The following RBFOX1 variants were observed in gnomAD, a reference collection of about 807,000 sequenced individuals.
RBFOX1 encodes the protein RNA binding protein fox-1 homolog 1.
In RBFOX1, 8 loss-of-function variants were observed where a neutral mutation model predicts 57.7. That is an observed-to-expected ratio of 0.14 (90% CI 0.08 to 0.25). The LOEUF is 0.25. RBFOX1 is among the 10% of genes least tolerant of loss of function. The pLI is 1.00. For missense variants in RBFOX1, 611 were observed against 548.5 expected (o/e 1.11, Z -1.14); for synonymous variants, 326 against 222.4 (o/e 1.47, Z -4.15).
At chr16:7,087,249 A>C (rs566159518) in intron 4 of RBFOX1, among the ~76,000 whole-genome samples, 8 of 152,262 alleles carry the variant, frequency 5.3e-5, no homozygotes, top group Non-Finnish European at 1.5e-5. Context: ...GGCCTCCCAG[A>C]GTCACCGGCT....
At chr16:7,021,413 G>GT (rs951874303) in intron 3 of RBFOX1, among the ~76,000 whole-genome samples, 6 of 142,524 alleles carry the variant, frequency 4.2e-5, no homozygotes, top group East Asian at 2.0e-4. Flanking sequence ...TTTTATGTAT[G>GT]TTTTTTATAT....
chr16:5,859,137 G>A (rs565808975), intron 3 of RBFOX1, among the ~76,000 whole-genome samples: 29 of 152,234 alleles, frequency 1.9e-4, no homozygotes, highest in African/African-American at 7.0e-4. Flanking sequence ...CCTGGGAGGT[G>A]GAGGTTACAG....
At chr16:7,055,070 A>C (rs750134015) in intron 4 of RBFOX1, among the ~76,000 whole-genome samples, 2 of 152,186 alleles carry the variant, frequency 1.3e-5, no homozygotes, top group East Asian at 3.9e-4. Context: ...AATATCTTGA[A>C]GATATTAAGG....
At chr16:6,211,586 A>G (rs963531800) in intron 1 of RBFOX1, among the ~76,000 whole-genome samples, 2 of 152,122 alleles carry the variant, frequency 1.3e-5, no homozygotes, top group African/African-American at 4.8e-5. Context: ...TTATTGACAG[A>G]AAATTTGAAT....
At chr16:7,535,578 A>T (rs150093403) in intron 5 of RBFOX1, among the ~76,000 whole-genome samples, 7 of 152,208 alleles carry the variant, frequency 4.6e-5, no homozygotes, top group African/African-American at 1.7e-4. Context: ...TGGAGAGTCT[A>T]TCAGATCTTT....
intron 9 of RBFOX1, among the ~76,000 whole-genome samples, chr16:7,600,080 C>T (rs958854636): frequency 1.3e-5 from 2 of 152,128 alleles, no homozygotes; most frequent in Non-Finnish European, 2.9e-5. Context: ...AATGTGCAAC[C>T]TCGTGTTCCT....
Position 6,349,236 on chromosome 16 carries a change from G to C in RBFOX1, c.-64+32179G>C, listed in dbSNP as rs41111. ...AAAGTGCCCTTCAGAACTCAAAGCAGATAAAACTTTCTGTTATCCCTTACC... is the reference window on the plus strand; with the variant it reads ...AAAGTGCCCTTCAGAACTCAAAGCACATAAAACTTTCTGTTATCCCTTACC... On this transcript the variant is annotated intron_variant, in intron 2 of 15. Coordinates refer to ENST00000550418, the MANE Select transcript of RBFOX1 (RefSeq NM_018723.4). 8.2e-3 allele frequency among the ~76,000 whole-genome samples: 1,244 copies of C among 152,278 alleles called. 21 individuals carry two copies. The highest frequency in any genetic ancestry group is 0.028 in the African/African-American group (1,172 of 41,558).
At chr16:7,315,889 A>C (rs904743866) in intron 4 of RBFOX1, among the ~76,000 whole-genome samples, 5 of 152,178 alleles carry the variant, frequency 3.3e-5, no homozygotes, top group Non-Finnish European at 7.3e-5. Flanking sequence ...TGGTTTACAT[A>C]TATCTTTGAT....
At chr16:7,402,505 C>T (rs755817671) in intron 4 of RBFOX1, among the ~76,000 whole-genome samples, 1 of 152,180 alleles carries the variant, frequency 6.6e-6, no homozygotes, top group Non-Finnish European at 1.5e-5. Flanking sequence ...AATAAAGACT[C>T]CTTGCTGCTG....
intron 4 of RBFOX1, among the ~76,000 whole-genome samples, chr16:7,309,879 C>A (rs2096270738): frequency 6.6e-6 from 1 of 152,208 alleles, no homozygotes; most frequent in Non-Finnish European, 1.5e-5. Flanking sequence ...ATTGTCCCAT[C>A]TGCAGACCCC....
Position 7,518,404 on chromosome 16 carries a change from T to C in RBFOX1, c.270+15T>C. ...GCACCGCCACAGTAAGTGGACGTGT[T>C]TGCTACGGGTGGGAGGTTATGGGGA... is the stretch of plus-strand genomic sequence containing the variant. On this transcript the variant is annotated intron_variant, in intron 5 of 15. Transcript: ENST00000550418. The C allele has an allele frequency of 6.2e-7, 1 of 1,600,084 alleles. No homozygotes were observed. The highest frequency in any genetic ancestry group is 8.5e-7 in the Non-Finnish European group (1 of 1,171,002).
rs954025354 is a variant in RBFOX1, at chr16:7,552,641, C to T, written c.271-27136C>T. Among the ~76,000 whole-genome samples, 9 of 152,258 alleles carry T rather than the reference C, an allele frequency of 5.9e-5. No homozygotes were observed. The East Asian group carries it at 7.7e-4, about 13-fold the overall frequency. The stretch of plus-strand genomic sequence containing the variant: ...ATAAGATTTATGTCTAAAGCATTTC[C>T]GACACCCATTCTTTGTTGTGAACGA... On this transcript the variant is annotated intron_variant, in intron 5 of 15. Transcript: ENST00000550418.
At chr16:6,756,628 A>AATG (rs2075826990) in intron 3 of RBFOX1, among the ~76,000 whole-genome samples, 1 of 152,132 alleles carries the variant, frequency 6.6e-6, no homozygotes, top group African/African-American at 2.4e-5. Context: ...TAATAATAAT[A>AATG]ATAATCCCAT....
At position 7,017,320 on chromosome 16, in the gene RBFOX1, C is replaced by G. The variant is rs114064947; in HGVS notation, c.-15-34737C>G. Among the ~76,000 whole-genome samples, 598 of 152,222 alleles carry G rather than the reference C, an allele frequency of 3.9e-3. 5 individuals are homozygous for G. Among genetic ancestry groups the G allele is most frequent in the African/African-American group, 0.013 (544 of 41,528 alleles). On this transcript the variant is annotated intron_variant, in intron 3 of 15. Coordinates refer to ENST00000550418, the MANE Select transcript of RBFOX1 (RefSeq NM_018723.4). The stretch of plus-strand genomic sequence containing the variant: ...TGGAAATTTATAGTGTACTATAGAT[C>G]CAGCACCTTTCTATCTTGGCGGGTG...
chr16:6,545,912 G>C (rs566063638), intron 2 of RBFOX1, among the ~76,000 whole-genome samples: 4 of 152,300 alleles, frequency 2.6e-5, no homozygotes, highest in African/African-American at 9.6e-5. Flanking sequence ...TTCAACTTGA[G>C]TACTGCACGT....
intron 2 of RBFOX1, among the ~76,000 whole-genome samples, chr16:6,580,947 A>G (rs1056837159): frequency 4.0e-5 from 6 of 149,678 alleles, no homozygotes; most frequent in African/African-American, 1.5e-4. Context: ...CCCCAAAATC[A>G]TAATTGCAAA....
At chr16:6,390,415 G>A (rs1459434607) in intron 2 of RBFOX1, among the ~76,000 whole-genome samples, 1 of 152,094 alleles carries the variant, frequency 6.6e-6, no homozygotes, top group African/African-American at 2.4e-5. Flanking sequence ...ATTTGTTAAT[G>A]CAGGTATCAA....
chr16:6,790,423 G>C (rs2082722416), intron 3 of RBFOX1, among the ~76,000 whole-genome samples: 1 of 152,032 alleles, frequency 6.6e-6, no homozygotes, highest in South Asian at 2.1e-4. Flanking sequence ...GACCTCAGGT[G>C]ATCTACCCAC....
rs114457835 is a variant in RBFOX1, at chr16:5,976,861, T to C, written c.351+109526T>C. Among the ~76,000 whole-genome samples the C allele has an allele frequency of 4.7e-3, 711 of 152,250 alleles. 6 individuals are homozygous for C. Among genetic ancestry groups the C allele is most frequent in the African/African-American group, 0.016 (683 of 41,562 alleles). Reference sequence around the variant, plus strand: ...TTCAGCCTGGGCAGCAGAGCAAGACTCTGTCAATCAATGTATCAATAAGGT... The same window carrying C: ...TTCAGCCTGGGCAGCAGAGCAAGACCCTGTCAATCAATGTATCAATAAGGT... On this transcript the variant is annotated intron_variant, in intron 4 of 19. Coordinates refer to the RBFOX1 transcript ENST00000641259.
Sources: gnomAD v4.1 joint callset for allele counts (sites outside exome capture counted in the v4.1 genomes callset) on GRCh38, gnomAD v4.1.1 for gene constraint, MANE v1.5 for transcripts, NCBI Gene and HGNC (gene_info 2026-07-23, HGNC 2026-07-21) for gene names.